Variants in GPATCH1 observed in about 807,000 individuals in gnomAD.
The protein encoded by GPATCH1 is G patch domain-containing protein 1.
A neutral mutation model predicts 114.9 loss-of-function variants in GPATCH1; 73 were observed. The observed-to-expected ratio is 0.64, with a 90% CI of 0.53 to 0.77. GPATCH1 has a LOEUF of 0.77. GPATCH1 is among the 30% of genes least tolerant of loss of function. The pLI is 0.00. For synonymous variants in GPATCH1, 391 were observed against 428.4 expected (o/e 0.91, Z 1.08); for missense variants, 1,058 against 1,144.3 (o/e 0.92, Z 1.09).
intron 17 of GPATCH1, among the ~76,000 whole-genome samples, chr19:33,120,271 CAATTATATATAAA>C (rs1555721442): frequency 3.3e-5 from 4 of 120,284 alleles, no homozygotes; most frequent in East Asian, 2.3e-4. Flanking sequence ...TTATATATAA[CAATTATATATAAA>C]AATTATATAT....
At position 33,096,103 on chromosome 19, in the gene GPATCH1, A is replaced by AT. The variant is rs1319757847; in HGVS notation, c.613-104_613-103insT. 4 of 1,197,420 alleles carry AT rather than the reference A, an allele frequency of 3.3e-6. No individual in the cohort carries two copies. In the African/African-American group the frequency reaches 4.6e-5, roughly 14 times the overall value. The allele number at this position is 1,197,420 out of a possible 1,614,324, so 74.2% of individuals were successfully genotyped here. On this transcript the variant is annotated intron_variant, in intron 6 of 19. Coordinates refer to ENST00000170564, the MANE Select transcript of GPATCH1 (RefSeq NM_018025.3). ...ATAACAGCACCAATGAAAGTTTGCT[A>AT]ATTGTTCTGTGTGGCATTAATCACT... is the stretch of plus-strand genomic sequence containing the variant.
intron 1 of GPATCH1, among the ~76,000 whole-genome samples, chr19:33,081,508 A>T (rs1972475993): frequency 6.6e-6 from 1 of 152,132 alleles, no homozygotes; most frequent in African/African-American, 2.4e-5. Flanking sequence ...TAGAAACAAG[A>T]AAATGACGGA....
At chr19:33,122,803 G>A (rs562170942) in intron 17 of GPATCH1, among the ~76,000 whole-genome samples, 95 of 152,202 alleles carry the variant, frequency 6.2e-4, no homozygotes, top group Admixed American at 9.8e-4. Context: ...GGTGGCTCAC[G>A]CCTATAATCT....
At position 33,097,710 on chromosome 19, in the gene GPATCH1, A is replaced by G. The variant is rs549308024; in HGVS notation, c.853-45A>G. The G allele has an allele frequency of 1.8e-5, 28 of 1,583,748 alleles. No homozygotes were observed. In the South Asian group the frequency reaches 2.3e-4, roughly 13 times the overall value. ...AGCTTTATCCCTGAAGATCCCAGAC[A>G]TACCCTAACACCTGTGCTCAGTTTG... On this transcript the variant is annotated intron_variant, in intron 7 of 19. Coordinates refer to ENST00000170564, the MANE Select transcript of GPATCH1 (RefSeq NM_018025.3).
chr19:33,112,765 C>T (rs1972871897), intron 13 of GPATCH1, 152 bp downstream of exon 13: 8 of 534,726 alleles, frequency 1.5e-5, no homozygotes, highest in African/African-American at 3.9e-5. Context: ...TATAGATTTG[C>T]TTTGATAAAT....
intron 13 of GPATCH1, chr19:33,112,910 G>A (rs982948147): frequency 2.0e-5 from 5 of 248,076 alleles, no homozygotes; most frequent in Non-Finnish European, 3.1e-5. Flanking sequence ...TGCTGCTCAT[G>A]TGGTTTACAT....
At chr19:33,100,107 G>C (rs1372601648) in intron 8 of GPATCH1, 1 of 151,012 alleles carries the variant, frequency 6.6e-6, no homozygotes, top group Non-Finnish European at 1.5e-5. Flanking sequence ...TTTTTTCCAT[G>C]ATCAATAGGG....
chr19:33,115,998 A>G (rs1232845788), intron 15 of GPATCH1, among the ~76,000 whole-genome samples: 4 of 146,222 alleles, frequency 2.7e-5, no homozygotes, highest in Non-Finnish European at 6.0e-5. Context: ...AATAATTTTT[A>G]TATTCCATTT....
intron 1 of GPATCH1, 48 bp from the exon 2 acceptor site, chr19:33,088,086 A>G (rs370538388): frequency 3.4e-6 from 4 of 1,160,822 alleles, no homozygotes; most frequent in African/African-American, 3.2e-5. Flanking sequence ...TGAACCGACC[A>G]TCTCCTCTCT....
intron 17 of GPATCH1, among the ~76,000 whole-genome samples, chr19:33,119,839 G>C (rs1353855789): frequency 1.3e-5 from 2 of 150,306 alleles, no homozygotes; most frequent in African/African-American, 4.9e-5. Context: ...GGTGAATTTG[G>C]TGAAAGCCCA....
At chr19:33,100,570 G>C (rs776695743) in intron 8 of GPATCH1, among the ~76,000 whole-genome samples, 11 of 126,544 alleles carry the variant, frequency 8.7e-5, no homozygotes, top group Non-Finnish European at 1.6e-5. Flanking sequence ...CCTGGTGACA[G>C]AGCGAGACTC....
At chr19:33,088,011 A>T in intron 1 of GPATCH1, 123 bp from the exon 2 acceptor site, 1 of 557,102 alleles carries the variant, frequency 1.8e-6, no homozygotes, top group Non-Finnish European at 3.0e-6. Context: ...AATTTAAATG[A>T]TTATATTTGA....
chr19:33,106,697 C>T lies in GPATCH1; in HGVS notation c.1083C>T (p.Ile361=), dbSNP rs188639264. ...LASKPLSSKK[I]YPPPELPRDY... ...GGGTTTTGTCTTGGTTTGTTAAGAT[C>T]TATCCACCTCCAGAGCTGCCAAGAG... The change falls in exon 10 of 20, where the codon ATC becomes ATT. Residue 361 remains isoleucine, a splice_region_variant and synonymous_variant. Coordinates refer to ENST00000170564, the MANE Select transcript of GPATCH1 (RefSeq NM_018025.3). 1 of 1,611,928 alleles carries T rather than the reference C, an allele frequency of 6.2e-7. No individual in the cohort carries two copies. The highest frequency in any genetic ancestry group is 1.3e-5 in the African/African-American group (1 of 74,852).
rs1473664681 is a variant in GPATCH1 at position 33,130,329 on chromosome 19, G to T, written c.*169G>T. 3 of 441,108 alleles carry T rather than the reference G, an allele frequency of 6.8e-6. No homozygotes were observed. The highest frequency in any genetic ancestry group is 1.2e-5 in the Non-Finnish European group (3 of 248,976). 27.3% of individuals were successfully genotyped at this position (441,108 alleles called of 1,614,324 possible). A position where few individuals can be genotyped will look rare whatever the true frequency, so the allele number is the denominator to read the frequency against. On this transcript the variant is annotated 3_prime_UTR_variant, in exon 20 of 20. Coordinates refer to ENST00000170564, the MANE Select transcript of GPATCH1 (RefSeq NM_018025.3). ...ACTGCCTTGAAAGGTCGCAGAAATT[G>T]ATTTCTATTTTTAATTTCAGTTAGT...
intron 3 of GPATCH1, 86 bp from the exon 4 acceptor site, chr19:33,093,273 T>A (rs1339416563): frequency 5.6e-6 from 5 of 900,728 alleles, no homozygotes; most frequent in Non-Finnish European, 8.4e-6. Flanking sequence ...GTTTTAACTT[T>A]TTTTTTTTAA....
In GPATCH1 at chr19:33,129,821, G is replaced by A. The variant is rs570870124; in HGVS notation, c.2766-309G>A. Among the ~76,000 whole-genome samples, 19 of 152,206 alleles carry A rather than the reference G, an allele frequency of 1.2e-4. 1 individual carries two copies. The South Asian group carries it at 3.7e-3, about 30-fold the overall frequency. ...TAGCTGGGTATGGTGGCATGTGCCT[G>A]TAATCCCAGCTACTCTGGAGGCTGA... On this transcript the variant is annotated intron_variant, in intron 19 of 19. Coordinates refer to ENST00000170564, the MANE Select transcript of GPATCH1 (RefSeq NM_018025.3).
chr19:33,105,909 G>T (rs915544712), intron 9 of GPATCH1, among the ~76,000 whole-genome samples: 1 of 151,768 alleles, frequency 6.6e-6, no homozygotes, highest in Non-Finnish European at 1.5e-5. Context: ...GTGCAGTGGC[G>T]CAATCTCAGC....
chr19:33,117,984 G>T lies in GPATCH1; in HGVS notation c.2356G>T (p.Ala786Ser), dbSNP rs775356735. The change falls in exon 16 of 20, where the codon GCC (alanine) becomes TCC (serine). Residue 786 changes from alanine (A) to serine (S), a missense_variant. Ala to Ser is a moderately conservative substitution (Grantham distance 99). Coordinates refer to ENST00000170564, the MANE Select transcript of GPATCH1 (RefSeq NM_018025.3). ...SEDDQAGSGE[A>S]NFQSSQDTDL... ...AGATGATCAGGCAGGCTCTGGGGAG[G>T]CCAACTTCCAAAGCTCCCAAGACAC... 1 of 1,613,752 alleles carries T rather than the reference G, an allele frequency of 6.2e-7. No individual in the cohort carries two copies. The highest frequency in any genetic ancestry group is 8.5e-7 in the Non-Finnish European group (1 of 1,179,940).
intron 7 of GPATCH1, 45 bp downstream of exon 7, chr19:33,096,491 G>T: frequency 6.7e-7 from 1 of 1,484,670 alleles, no homozygotes; most frequent in Non-Finnish European, 9.2e-7. Flanking sequence ...ATTGATAAAT[G>T]AGTCTACTTT....
Sources: allele counts gnomAD v4.1 joint callset (sites outside exome capture counted in the v4.1 genomes callset), GRCh38; gene constraint gnomAD v4.1.1; transcripts MANE v1.5; gene names NCBI Gene and HGNC (gene_info 2026-07-23, HGNC 2026-07-21).